Variants in SLC35A3 observed in about 807,000 individuals in gnomAD.
SLC35A3 encodes the protein UDP-N-acetylglucosamine transporter.
In SLC35A3, 26 loss-of-function variants were observed where a neutral mutation model predicts 39.0. The observed-to-expected ratio is 0.67, with a 90% CI of 0.49 to 0.92. The LOEUF (loss-of-function observed/expected upper bound fraction) is 0.92, where lower values mean the gene tolerates loss of function less well. Among genes scored for constraint, SLC35A3 ranks in the 40% least tolerant of loss-of-function variants. The pLI is 0.00. For missense variants in SLC35A3, 299 were observed against 371.6 expected (o/e 0.80, Z 1.61); for synonymous variants, 135 against 133.1 (o/e 1.01, Z -0.10).
intron 3 of SLC35A3, among the ~76,000 whole-genome samples, chr1:100,002,123 C>G (rs748411378): frequency 3.9e-4 from 59 of 152,100 alleles, no homozygotes; most frequent in Non-Finnish European, 7.6e-4. Flanking sequence ...GTAATGCTGG[C>G]CTCACAGGAT....
chr1:99,983,808 A>G (rs1275042858), intron 1 of SLC35A3, among the ~76,000 whole-genome samples: 2 of 152,000 alleles, frequency 1.3e-5, no homozygotes, highest in Non-Finnish European at 2.9e-5. Flanking sequence ...TGTTTAGCAG[A>G]GATGAGGTTT....
At position 99,970,148 on chromosome 1, in the gene SLC35A3, C is replaced by T. The variant is rs1020015759; in HGVS notation, c.-33C>T. 6.2e-6 allele frequency: 1 copy of T among 160,014 alleles called. No homozygotes were observed. The highest frequency in any genetic ancestry group is 1.4e-5 in the Non-Finnish European group (1 of 73,308). 9.9% of individuals were successfully genotyped at this position (160,014 alleles called of 1,614,324 possible). A position where few individuals can be genotyped will look rare whatever the true frequency, so the allele number is the denominator to read the frequency against. ...GCCCCCGGTGGTGGGCTCAGCCGGT[C>T]GAGCTGCGCGGGAGGTGAGTCCTCA... On this transcript the variant is annotated 5_prime_UTR_variant, in exon 1 of 8. Transcript: ENST00000533028.
At chr1:99,981,129 C>A (rs1015643556) in intron 1 of SLC35A3, among the ~76,000 whole-genome samples, 2 of 152,148 alleles carry the variant, frequency 1.3e-5, no homozygotes, top group African/African-American at 4.8e-5. Flanking sequence ...TTCAACTGAG[C>A]TCAGCATTTC....
intron 1 of SLC35A3, chr1:99,970,368 C>G (rs1656728295): frequency 1.7e-6 from 1 of 595,834 alleles, no homozygotes; most frequent in Admixed American, 3.0e-5. Context: ...CACGTTGTAA[C>G]TCCGACGGAC....
intron 5 of SLC35A3, among the ~76,000 whole-genome samples, 192 bp from the exon 6 acceptor site, chr1:100,015,110 A>T (rs1373629941): frequency 6.9e-6 from 1 of 144,488 alleles, no homozygotes; most frequent in East Asian, 2.1e-4. Flanking sequence ...GTAAGCCAAG[A>T]TTGTGCCACT....
At chr1:100,017,845 C>T (rs759544206) in intron 7 of SLC35A3, 30 bp downstream of exon 7, 1 of 1,435,264 alleles carries the variant, frequency 7.0e-7, no homozygotes, top group South Asian at 1.4e-5. Flanking sequence ...TTTTTTAAAT[C>T]CCCAGAAGTA....
Position 100,023,735 on chromosome 1 carries a change from G to C in SLC35A3, c.*1259G>C, listed in dbSNP as rs573494708. ...ACAAGAGCTGCTGAGAAGGCCTGGC[G>C]CAGTGGCTCACGCCTGTAATCCTAG... On this transcript the variant is annotated 3_prime_UTR_variant, in exon 8 of 8. Coordinates refer to ENST00000533028, the MANE Select transcript of SLC35A3 (RefSeq NM_012243.3). 2 of 152,410 alleles carry C rather than the reference G, an allele frequency of 1.3e-5. No individual in the cohort carries two copies. The highest frequency in any genetic ancestry group is 2.4e-5 in the African/African-American group (1 of 41,442). The allele number at this position is 152,410 out of a possible 1,614,324, so 9.4% of individuals were successfully genotyped here. A position where few individuals can be genotyped will look rare whatever the true frequency, so the allele number is the denominator to read the frequency against.
intron 1 of SLC35A3, among the ~76,000 whole-genome samples, chr1:99,984,688 A>G (rs1657648493): frequency 6.6e-6 from 1 of 152,252 alleles, no homozygotes; most frequent in South Asian, 2.1e-4. Flanking sequence ...ATACTAGTTT[A>G]CATTCCAGCC....
Position 99,972,555 on chromosome 1 carries a change from T to G in SLC35A3, c.-19+2393T>G, listed in dbSNP as rs543341892. 1.4e-4 allele frequency among the ~76,000 whole-genome samples: 22 copies of G among 152,142 alleles called. 1 individual carries two copies. In the South Asian group the frequency reaches 4.6e-3, roughly 32 times the overall value. On this transcript the variant is annotated intron_variant, in intron 1 of 7. Coordinates refer to ENST00000533028, the MANE Select transcript of SLC35A3 (RefSeq NM_012243.3). ...TTTCACCATGTTGGCCAGGCTGGTT[T>G]TGAACTCCTGGCCTCAAGTGATCCA...
chr1:100,035,443 C>T lies in SLC35A3; in HGVS notation c.*12967C>T, dbSNP rs901956238. On this transcript the variant is annotated 3_prime_UTR_variant, in exon 8 of 8. Transcript: ENST00000533028. ...TCATTGCAGCCTTTCTAGCACAAAGCCTGGGACATTCTGGACATTTAGTAT... is the reference window on the plus strand; with the variant it reads ...TCATTGCAGCCTTTCTAGCACAAAGTCTGGGACATTCTGGACATTTAGTAT... The T allele has an allele frequency of 6.6e-6, 1 of 152,158 alleles. No homozygotes were observed. Among genetic ancestry groups the T allele is most frequent in the Admixed American group, 6.5e-5 (1 of 15,282 alleles). The allele number at this position is 152,158 out of a possible 1,614,324, so 9.4% of individuals were successfully genotyped here. A position where few individuals can be genotyped will look rare whatever the true frequency, so the allele number is the denominator to read the frequency against.
intron 1 of SLC35A3, among the ~76,000 whole-genome samples, chr1:99,988,514 A>G (rs1345613852): frequency 6.6e-6 from 1 of 152,128 alleles, no homozygotes; most frequent in Non-Finnish European, 1.5e-5. Context: ...TGTTGTGAAC[A>G]TGTGTTTTCA....
intron 5 of SLC35A3, among the ~76,000 whole-genome samples, 191 bp downstream of exon 5, chr1:100,011,724 T>G (rs909692988): frequency 7.5e-6 from 1 of 132,942 alleles, no homozygotes; most frequent in African/African-American, 2.9e-5. Flanking sequence ...ATTTATTTAT[T>G]TATTTATTTA....
rs1570638717 is a variant in SLC35A3 at position 100,027,100 on chromosome 1, T to G, written c.*4624T>G. ...GATCTTTTTCTCTGGCTCTGTAGTA[T>G]CTCTATCACTGTCACATGTGATCTT... On this transcript the variant is annotated 3_prime_UTR_variant, in exon 8 of 8. Transcript: ENST00000533028. 6 of 398,534 alleles carry G rather than the reference T, an allele frequency of 1.5e-5. No homozygotes were observed. The East Asian group carries it at 1.8e-4, about 12-fold the overall frequency. 24.7% of individuals were successfully genotyped at this position (398,534 alleles called of 1,614,324 possible).
intron 1 of SLC35A3, among the ~76,000 whole-genome samples, chr1:99,976,605 A>G (rs1484920433): frequency 6.6e-6 from 1 of 152,222 alleles, no homozygotes; most frequent in Non-Finnish European, 1.5e-5. Flanking sequence ...TATGATACAT[A>G]TACACCTGGA....
At position 99,999,460 on chromosome 1, in the gene SLC35A3, TATAC is replaced by T. The variant is rs763614777; in HGVS notation, c.342+49_342+52del. 3 of 1,307,490 alleles carry T rather than the reference TATAC, an allele frequency of 2.3e-6. No homozygotes were observed. The South Asian group carries it at 4.1e-5, about 18-fold the overall frequency. 81.0% of individuals were successfully genotyped at this position (1,307,490 alleles called of 1,614,324 possible). On this transcript the variant is annotated intron_variant, in intron 3 of 7. Transcript: ENST00000533028. ...TTCTTTTTTAAAAAAACTTTTTTCTTATACATAATAATTGTATATATTTATGGGG... is the reference window on the plus strand; with the variant it reads ...TTCTTTTTTAAAAAAACTTTTTTCTTATAATAATTGTATATATTTATGGGG...
chr1:100,015,868 G>T (rs867429975), intron 6 of SLC35A3, among the ~76,000 whole-genome samples: 1 of 152,024 alleles, frequency 6.6e-6, no homozygotes, highest in African/African-American at 2.4e-5. Context: ...AATTGTTCAA[G>T]GGTTGAGTAA....
At chr1:99,988,060 T>C (rs578077118) in intron 1 of SLC35A3, among the ~76,000 whole-genome samples, 1 of 152,320 alleles carries the variant, frequency 6.6e-6, no homozygotes, top group African/African-American at 2.4e-5. Flanking sequence ...TACCCCTGAA[T>C]TGTAGATTTA....
intron 1 of SLC35A3, among the ~76,000 whole-genome samples, chr1:99,985,532 T>G (rs1316555053): frequency 1.3e-5 from 2 of 152,356 alleles, no homozygotes; most frequent in Non-Finnish European, 1.5e-5. Flanking sequence ...TTGCTTAGTC[T>G]TGCTTTGGCT....
At chr1:99,983,657 G>T (rs1220522582) in intron 1 of SLC35A3, among the ~76,000 whole-genome samples, 1 of 151,306 alleles carries the variant, frequency 6.6e-6, no homozygotes, top group Non-Finnish European at 1.5e-5. Flanking sequence ...ATGGAGTCTT[G>T]CTCTCTCACC....
Sources: allele counts gnomAD v4.1 joint callset (sites outside exome capture counted in the v4.1 genomes callset), GRCh38; gene constraint gnomAD v4.1.1; transcripts MANE v1.5; gene names NCBI Gene and HGNC (gene_info 2026-07-23, HGNC 2026-07-21).